The following FHOD3 variants were observed in gnomAD, a reference collection of about 807,000 sequenced individuals.
FHOD3 encodes the protein formin homology 2 domain containing 3.
FHOD3 carries 90 observed loss-of-function variants against 173.0 expected under a neutral mutation model. The observed-to-expected ratio is 0.52, with a 90% CI of 0.44 to 0.62. The LOEUF (loss-of-function observed/expected upper bound fraction) is 0.62. FHOD3 is among the 20% of genes least tolerant of loss of function. The probability of loss-of-function intolerance (pLI) is 0.00; values close to 1 mark genes in which losing one functional copy is unlikely to be tolerated. For synonymous variants in FHOD3, 828 were observed against 823.0 expected (o/e 1.01, Z -0.10); for missense variants, 1,945 against 2,034.7 (o/e 0.96, Z 0.85).
intron 9 of FHOD3, 44 bp from the exon 10 acceptor site, chr18:36,625,467 G>A: frequency 7.3e-7 from 1 of 1,363,726 alleles, no homozygotes; most frequent in Non-Finnish European, 9.6e-7. Context: ...TCTGTGAAAG[G>A]ATGCCAAGCC....
intron 3 of FHOD3, among the ~76,000 whole-genome samples, chr18:36,390,364 A>G (rs748996271): frequency 9.9e-5 from 15 of 152,166 alleles, no homozygotes; most frequent in Non-Finnish European, 1.8e-4. Context: ...TTTTAAGGCC[A>G]TAGTATTCCA....
Position 36,730,942 on chromosome 18 carries a change from C to T in FHOD3, c.3576+138C>T, listed in dbSNP as rs529356608. 4.7e-4 allele frequency: 431 copies of T among 913,864 alleles called. 7 individuals carry two copies. In the South Asian group the frequency reaches 6.7e-3, roughly 14 times the overall value. The allele number at this position is 913,864 out of a possible 1,614,324, so 56.6% of individuals were successfully genotyped here. A position where few individuals can be genotyped will look rare whatever the true frequency, so the allele number is the denominator to read the frequency against. On this transcript the variant is annotated intron_variant, in intron 20 of 28. Transcript: ENST00000590592. Reference sequence around the variant, plus strand: ...CTGAATAAGGTTAATAATTCTTACACGTGTTAAACTTTTTGAGGGGAGGGG... The same window carrying T: ...CTGAATAAGGTTAATAATTCTTACATGTGTTAAACTTTTTGAGGGGAGGGG...
chr18:36,352,693 G>A (rs1290444941), intron 1 of FHOD3, among the ~76,000 whole-genome samples: 1 of 152,192 alleles, frequency 6.6e-6, no homozygotes, highest in African/African-American at 2.4e-5. Flanking sequence ...TCTCTCTTTA[G>A]GCTCATGTGT....
chr18:36,359,327 T>A (rs2046501717), intron 2 of FHOD3, among the ~76,000 whole-genome samples: 2 of 152,198 alleles, frequency 1.3e-5, no homozygotes, highest in Non-Finnish European at 1.5e-5. Context: ...TTTAGAATTA[T>A]CACTCAGGCT....
intron 3 of FHOD3, among the ~76,000 whole-genome samples, chr18:36,485,908 A>G (rs1016181499): frequency 1.3e-5 from 2 of 152,192 alleles, no homozygotes; most frequent in Non-Finnish European, 2.9e-5. Flanking sequence ...CTCAGCCTGG[A>G]AAACTGCACC....
intron 20 of FHOD3, among the ~76,000 whole-genome samples, chr18:36,736,822 AG>A (rs1568698811): frequency 6.6e-6 from 1 of 152,216 alleles, no homozygotes; most frequent in Non-Finnish European, 1.5e-5. Flanking sequence ...CCACAGTTCC[AG>A]GCTTGAGGGT....
At chr18:36,758,968 C>G in intron 25 of FHOD3, 150 bp from the exon 26 acceptor site, 1 of 825,694 alleles carries the variant, frequency 1.2e-6, no homozygotes. Flanking sequence ...CTGGCAGCTC[C>G]CAACTCAAGA....
At chr18:36,486,866 T>C (rs2054220510) in intron 3 of FHOD3, among the ~76,000 whole-genome samples, 1 of 152,242 alleles carries the variant, frequency 6.6e-6, no homozygotes. Flanking sequence ...ATAGATCAGA[T>C]TTGTCTTTTC....
chr18:36,541,817 A>G (rs1343154648), intron 5 of FHOD3, among the ~76,000 whole-genome samples: 1 of 152,276 alleles, frequency 6.6e-6, no homozygotes, highest in Non-Finnish European at 1.5e-5. Context: ...AATGAACCTC[A>G]GAATGGAACT....
intron 1 of FHOD3, among the ~76,000 whole-genome samples, chr18:36,328,688 A>T (rs2044810156): frequency 6.6e-6 from 1 of 152,164 alleles, no homozygotes; most frequent in Admixed American, 6.5e-5. Flanking sequence ...AGAAGCCCAG[A>T]GATTCCTGAA....
At chr18:36,324,952 C>G (rs1049166470) in intron 1 of FHOD3, among the ~76,000 whole-genome samples, 7 of 152,098 alleles carry the variant, frequency 4.6e-5, no homozygotes, top group Admixed American at 1.3e-4. Context: ...GGAATTGATA[C>G]TTATAGAATA....
intron 2 of FHOD3, among the ~76,000 whole-genome samples, chr18:36,357,710 A>C (rs117472838): frequency 6.6e-6 from 1 of 152,232 alleles, no homozygotes; most frequent in African/African-American, 2.4e-5. Context: ...ATCCTTTCAT[A>C]TAAGTTGTCA....
chr18:36,635,460 A>T (rs2034815755), intron 10 of FHOD3, among the ~76,000 whole-genome samples: 1 of 152,132 alleles, frequency 6.6e-6, no homozygotes, highest in Non-Finnish European at 1.5e-5. Context: ...ACTGGGGGAG[A>T]GCAGGCTGCA....
At chr18:36,734,411 A>G (rs767929833) in intron 20 of FHOD3, among the ~76,000 whole-genome samples, 6 of 152,132 alleles carry the variant, frequency 3.9e-5, no homozygotes, top group South Asian at 2.1e-4. Flanking sequence ...GTCTCCATAC[A>G]TTGTCACATG....
At chr18:36,613,332 G>A (rs951856798) in intron 9 of FHOD3, among the ~76,000 whole-genome samples, 1 of 152,134 alleles carries the variant, frequency 6.6e-6, no homozygotes, top group African/African-American at 2.4e-5. Context: ...TCAGGGCTTC[G>A]GACCTTGTTG....
intron 5 of FHOD3, among the ~76,000 whole-genome samples, chr18:36,529,300 G>A (rs895478266): frequency 1.3e-5 from 2 of 152,106 alleles, no homozygotes; most frequent in East Asian, 1.9e-4. Context: ...GATGCTCTTC[G>A]TTTAGCTGCT....
chr18:36,435,538 T>C (rs2050768791), intron 3 of FHOD3, among the ~76,000 whole-genome samples: 1 of 152,152 alleles, frequency 6.6e-6, no homozygotes, highest in Non-Finnish European at 1.5e-5. Context: ...AAGCCAGTAA[T>C]GTAAGACTAC....
chr18:36,581,805 T>C, intron 6 of FHOD3, among the ~76,000 whole-genome samples: 1 of 152,148 alleles, frequency 6.6e-6, no homozygotes, highest in Middle Eastern at 3.2e-3. Context: ...AAAGTTTGTT[T>C]AGGACTGCAA....
At chr18:36,623,784 T>G (rs1208627160) in intron 9 of FHOD3, among the ~76,000 whole-genome samples, 1 of 152,140 alleles carries the variant, frequency 6.6e-6, no homozygotes, top group Non-Finnish European at 1.5e-5. Flanking sequence ...CTTGAGCTGG[T>G]GGAAACAGGG....
Sources: allele counts gnomAD v4.1 joint callset (sites outside exome capture counted in the v4.1 genomes callset), GRCh38; gene constraint gnomAD v4.1.1; transcripts MANE v1.5; gene names NCBI Gene and HGNC (gene_info 2026-07-23, HGNC 2026-07-21).